TUBGCP4: variants seen among roughly 807,000 people sequenced by gnomAD.
TUBGCP4 encodes tubulin gamma complex component 4, also known as gamma-tubulin complex component 4.
TUBGCP4 carries 54 observed loss-of-function variants against 91.6 expected under a neutral mutation model. That is an observed-to-expected ratio of 0.59 (90% CI 0.47 to 0.74). TUBGCP4 has a LOEUF of 0.74. Ranked by LOEUF, TUBGCP4 falls within the 30% of genes least tolerant of loss-of-function variation. The pLI, the probability that TUBGCP4 is intolerant of heterozygous loss-of-function variation, is 0.00. For synonymous variants in TUBGCP4, 297 were observed against 302.8 expected, an observed-to-expected ratio of 0.98 and a Z score of 0.20; for missense variants, 593 against 800.9, an observed-to-expected ratio of 0.74 and a Z score of 3.13.
chr15:43,374,114 T>G (rs2044167399), intron 1 of TUBGCP4, among the ~76,000 whole-genome samples: 1 of 152,220 alleles, frequency 6.6e-6, no homozygotes, highest in Non-Finnish European at 1.5e-5. Flanking sequence ...GTTACCACAT[T>G]TACTGTCATA....
chr15:43,401,894 A>G, intron 15 of TUBGCP4, 44 bp downstream of exon 15: 4 of 1,607,810 alleles, frequency 2.5e-6, no homozygotes, highest in Non-Finnish European at 3.4e-6. Context: ...TCTACCACTG[A>G]CCATTCCCTT....
intron 5 of TUBGCP4, 69 bp downstream of exon 5, chr15:43,377,972 A>G: frequency 2.3e-6 from 3 of 1,301,100 alleles, no homozygotes; most frequent in Non-Finnish European, 3.2e-6. Context: ...ATTTTGCTTT[A>G]CATTATTTTT....
In TUBGCP4 at chr15:43,402,149, C is replaced by T. The variant is rs191405180; in HGVS notation, c.1731+299C>T. ...AAAAAAAATAATAGGTGTGGTGGCT[C>T]GCGCCTGTAATCCCAGCTACTTGGG... is the stretch of plus-strand genomic sequence containing the variant. On this transcript the variant is annotated intron_variant, in intron 15 of 17. Coordinates refer to ENST00000564079, the MANE Select transcript of TUBGCP4 (RefSeq NM_014444.5). The T allele has an allele frequency of 1.1e-3, 260 of 239,062 alleles. 2 individuals are homozygous for T. Among genetic ancestry groups the T allele is most frequent in the African/African-American group, 5.2e-3 (231 of 44,076 alleles). 14.8% of individuals were successfully genotyped at this position (239,062 alleles called of 1,614,324 possible).
At position 43,400,061 on chromosome 15, in the gene TUBGCP4, A is replaced by C. The variant is rs1304895138; in HGVS notation, c.1436A>C (p.Lys479Thr). Reference protein sequence around the residue: ...AVLEKYNVVFKYLLSVRRVQA... With the variant: ...AVLEKYNVVFTYLLSVRRVQA... ...TGTCCTAGGTACAATGTTGTTTTTA[A>C]GTACTTACTGAGTGTGCGCCGGGTG... is the stretch of plus-strand genomic sequence containing the variant. Residue 479 changes from lysine (K) to threonine (T), a missense_variant, in exon 14 of 18, where the codon AAG becomes ACG. Physicochemically the swap from Lys to Thr is moderately conservative, Grantham distance 78. Coordinates refer to ENST00000564079, the MANE Select transcript of TUBGCP4 (RefSeq NM_014444.5). 3.7e-6 allele frequency: 6 copies of C among 1,611,776 alleles called. No homozygotes were observed. In the Admixed American group the frequency reaches 1.0e-4, roughly 27 times the overall value.
intron 11 of TUBGCP4, among the ~76,000 whole-genome samples, chr15:43,396,542 A>T (rs1435369457): frequency 6.6e-6 from 1 of 152,244 alleles, no homozygotes; most frequent in East Asian, 1.9e-4. Context: ...TATAGTACAA[A>T]TATAAGTACT....
chr15:43,405,166 C>G (rs779999859), intron 17 of TUBGCP4, 36 bp from the exon 18 acceptor site: 2 of 1,613,426 alleles, frequency 1.2e-6, no homozygotes, highest in South Asian at 2.2e-5. Context: ...CTTGGGAAAG[C>G]ATGACACTTA....
At chr15:43,377,635 A>G (rs2044227624) in intron 4 of TUBGCP4, 1 of 496,928 alleles carries the variant, frequency 2.0e-6, no homozygotes, top group Middle Eastern at 5.4e-4. Flanking sequence ...AAAAGAAAAA[A>G]GAAAAAAAAG....
At chr15:43,401,242 G>C (rs147571546) in intron 14 of TUBGCP4, among the ~76,000 whole-genome samples, 1 of 151,668 alleles carries the variant, frequency 6.6e-6, no homozygotes, top group Non-Finnish European at 1.5e-5. Flanking sequence ...CCTGAGGTCA[G>C]GAGTTCGAGA....
rs138398416 is a variant in TUBGCP4, at chr15:43,409,657, T to A, written c.*4443T>A. 6.5e-7 allele frequency: 1 copy of A among 1,546,528 alleles called. No individual in the cohort carries two copies. Among genetic ancestry groups the A allele is most frequent in the Non-Finnish European group, 8.7e-7 (1 of 1,146,484 alleles). ...AAAGAAACTCCTCACCTGGGCTTCATTGAAATCTTCAAGGATATAGCCAGC... is the reference window on the plus strand; with the variant it reads ...AAAGAAACTCCTCACCTGGGCTTCAATGAAATCTTCAAGGATATAGCCAGC... On this transcript the variant is annotated 3_prime_UTR_variant, in exon 18 of 18. Coordinates refer to ENST00000564079, the MANE Select transcript of TUBGCP4 (RefSeq NM_014444.5).
chr15:43,400,381 A>C (rs2044653951), intron 14 of TUBGCP4, among the ~76,000 whole-genome samples, 160 bp downstream of exon 14: 1 of 152,114 alleles, frequency 6.6e-6, no homozygotes, highest in Non-Finnish European at 1.5e-5. Context: ...AAAATAAAAA[A>C]AGCATTTTAT....
intron 7 of TUBGCP4, 118 bp from the exon 8 acceptor site, chr15:43,385,673 G>C: frequency 9.3e-7 from 1 of 1,077,054 alleles, no homozygotes; most frequent in Non-Finnish European, 1.3e-6. Context: ...TGCAACACCA[G>C]ATTTGAAGTC....
intron 10 of TUBGCP4, 141 bp from the exon 11 acceptor site, chr15:43,395,442 T>A: frequency 5.4e-6 from 4 of 743,752 alleles, no homozygotes; most frequent in Non-Finnish European, 9.3e-6. Context: ...TATGCCTCTT[T>A]GAAATGCCAA....
Position 43,386,261 on chromosome 15 carries a change from G to C in TUBGCP4, c.945G>C (p.Lys315Asn). ...TTGCTGCAGAGCTGCACCGTCTCAA[G>C]CAGCAGCCACTCTTCAGCTTGGTGG... ...DTFAAELHRL[K>N]QQPLFSLVDF... The change falls in exon 9 of 18, where the codon AAG (lysine) becomes AAC (asparagine). Residue 315 changes from lysine (K) to asparagine (N), a missense_variant. Transcript: ENST00000564079. The C allele has an allele frequency of 6.3e-7, 1 of 1,597,670 alleles. No individual in the cohort carries two copies. The highest frequency in any genetic ancestry group is 8.5e-7 in the Non-Finnish European group (1 of 1,173,928).
chr15:43,404,474 T>G lies in TUBGCP4; in HGVS notation c.1910T>G (p.Ile637Ser). 1.2e-6 allele frequency: 2 copies of G among 1,614,162 alleles called. No individual in the cohort carries two copies. The highest frequency in any genetic ancestry group is 1.7e-6 in the Non-Finnish European group (2 of 1,180,022). ...KILSSVRNHQ[I>S]NSDLAQLLLR... The stretch of plus-strand genomic sequence containing the variant: ...CTCTCCAGTGTTCGGAATCATCAGA[T>G]CAACTCAGATTTGGCTCAACTACTG... The change falls in exon 17 of 18, where the codon ATC (isoleucine) becomes AGC (serine). Residue 637 changes from isoleucine (I) to serine (S), a missense_variant. Ile to Ser is a moderately radical substitution (Grantham distance 142, BLOSUM62 -2). Transcript: ENST00000564079.
At chr15:43,383,604 C>A in intron 7 of TUBGCP4, 100 bp downstream of exon 7, 3 of 952,642 alleles carry the variant, frequency 3.1e-6, no homozygotes, top group Non-Finnish European at 4.5e-6. Flanking sequence ...CATAGCTGAG[C>A]ACCTTCCATC....
At chr15:43,389,106 T>C (rs927649499) in intron 9 of TUBGCP4, among the ~76,000 whole-genome samples, 3 of 152,210 alleles carry the variant, frequency 2.0e-5, no homozygotes, top group African/African-American at 7.2e-5. Flanking sequence ...ATACAGGTGT[T>C]CAATTTGTAA....
chr15:43,390,802 C>T (rs1473309625), intron 9 of TUBGCP4, among the ~76,000 whole-genome samples: 1 of 151,958 alleles, frequency 6.6e-6, no homozygotes, highest in Non-Finnish European at 1.5e-5. Flanking sequence ...AGCCACTGGG[C>T]CTGGCTTTTT....
In TUBGCP4 at chr15:43,403,854, A is replaced by C. The variant is rs778005538; in HGVS notation, c.1848+55A>C. On this transcript the variant is annotated intron_variant, in intron 16 of 17. Transcript: ENST00000564079. ...CCGAAAGGACAGAGGTGGTTTTGCCAATGGAGAATTCATGATCTTTCCTCT... is the reference window on the plus strand; with the variant it reads ...CCGAAAGGACAGAGGTGGTTTTGCCCATGGAGAATTCATGATCTTTCCTCT... 5.5e-6 allele frequency: 7 copies of C among 1,280,370 alleles called. No homozygotes were observed. In the African/African-American group the frequency reaches 1.0e-4, roughly 19 times the overall value. The allele number at this position is 1,280,370 out of a possible 1,614,324, so 79.3% of individuals were successfully genotyped here. A position where few individuals can be genotyped will look rare whatever the true frequency, so the allele number is the denominator to read the frequency against.
intron 9 of TUBGCP4, among the ~76,000 whole-genome samples, chr15:43,390,492 G>A (rs1481822484): frequency 6.8e-6 from 1 of 147,020 alleles, no homozygotes; most frequent in Non-Finnish European, 1.5e-5. Flanking sequence ...ACAAGCTTTT[G>A]TTTTTAATCT....
Sources: allele counts gnomAD v4.1 joint callset (sites outside exome capture counted in the v4.1 genomes callset), GRCh38; gene constraint gnomAD v4.1.1; transcripts MANE v1.5; gene names NCBI Gene and HGNC (gene_info 2026-07-23, HGNC 2026-07-21).